Variants in GSG1 observed in about 807,000 individuals in gnomAD.
The protein encoded by GSG1 is germ cell-specific gene 1 protein.
In GSG1, 28 loss-of-function variants were observed where a neutral mutation model predicts 30.8. The observed-to-expected ratio is 0.91, with a 90% CI of 0.67 to 1.25. The LOEUF (loss-of-function observed/expected upper bound fraction) is 1.25. Among genes scored for constraint, GSG1 ranks in the 50% most tolerant of loss-of-function variants. The pLI is 0.00. For synonymous variants in GSG1, 162 were observed against 178.0 expected (o/e 0.91, Z 0.71); for missense variants, 435 against 444.7 (o/e 0.98, Z 0.20).
intron 5 of GSG1, 143 bp from the exon 6 acceptor site, chr12:13,087,406 A>C: frequency 1.6e-6 from 1 of 617,004 alleles, no homozygotes; most frequent in Non-Finnish European, 2.9e-6. Context: ...ACATTTCCCG[A>C]AGACTAATTC....
chr12:13,088,123 A>C lies in GSG1; in HGVS notation c.482-64T>G, dbSNP rs140866058. ...CAGTTAAAAAACTGAATAAGCGGTG[A>C]GCATAGGATGCCTATTAGGAGTTAA... is the stretch of plus-strand genomic sequence containing the variant. On this transcript the variant is annotated intron_variant, in intron 4 of 6. Transcript: ENST00000651961. 8.5e-3 allele frequency: 13,424 copies of C among 1,582,166 alleles called. 63 individuals carry two copies. The highest frequency in any genetic ancestry group is 0.011 in the Non-Finnish European group (12,154 of 1,155,400).
At chr12:13,088,683 T>C in intron 4 of GSG1, 179 bp downstream of exon 4, 1 of 1,513,726 alleles carries the variant, frequency 6.6e-7, no homozygotes, top group Middle Eastern at 2.4e-4. Flanking sequence ...GCAGTTTAGA[T>C]CCGGAGAGGC....
At chr12:13,087,018 T>C in intron 6 of GSG1, 134 bp downstream of exon 6, 1 of 629,068 alleles carries the variant, frequency 1.6e-6, no homozygotes. Flanking sequence ...GATGCAGCCC[T>C]GTGTGGTTGA....
chr12:13,091,968 G>A (rs890278244), intron 1 of GSG1, among the ~76,000 whole-genome samples: 1 of 152,182 alleles, frequency 6.6e-6, no homozygotes, highest in South Asian at 2.1e-4. Context: ...ACACAACACG[G>A]GGATGATGCA....
In GSG1 at chr12:13,090,461, C is replaced by T. The variant is rs968029931; in HGVS notation, c.364+42G>A. The stretch of plus-strand genomic sequence containing the variant: ...CCATGCCTGCATTAGATCCCTTGCC[C>T]GCCCTGACCCCGTTGCTCTTATATC... On this transcript the variant is annotated intron_variant, in intron 2 of 6. Transcript: ENST00000651961. The T allele has an allele frequency of 2.6e-5, 40 of 1,557,406 alleles. 1 individual carries two copies. The Middle Eastern group carries it at 1.1e-3, about 41-fold the overall frequency.
chr12:13,094,077 A>G (rs2120847131), intron 1 of GSG1, among the ~76,000 whole-genome samples: 1 of 152,056 alleles, frequency 6.6e-6, no homozygotes, highest in African/African-American at 2.4e-5. Flanking sequence ...CCTTCATATC[A>G]GAATTAATCA....
intron 6 of GSG1, among the ~76,000 whole-genome samples, chr12:13,085,495 C>T (rs1482262119): frequency 6.6e-6 from 1 of 151,876 alleles, no homozygotes; most frequent in Non-Finnish European, 1.5e-5. Flanking sequence ...GTTGTCGGTG[C>T]CATGCCCTTT....
In GSG1 at chr12:13,090,506, G is replaced by A. The variant is rs763575184; in HGVS notation, c.361C>T (p.Pro121Ser). 1 of 1,606,966 alleles carries A rather than the reference G, an allele frequency of 6.2e-7. No homozygotes were observed. The highest frequency in any genetic ancestry group is 1.3e-5 in the African/African-American group (1 of 74,800). ...WLSCEETVEE[P>S]ALLHPQSWKQ... Reference sequence around the variant, plus strand: ...TATATCCCAGAATGTAGGCTACCTGGTTCTTCCACAGTTTCCTCACAGGAT... The same window carrying A: ...TATATCCCAGAATGTAGGCTACCTGATTCTTCCACAGTTTCCTCACAGGAT... Residue 121 changes from proline (P) to serine (S), a missense_variant, in exon 2 of 7, where the codon CCA (proline) becomes TCA (serine). Physicochemically the swap from Pro to Ser is moderately conservative, Grantham distance 74. Coordinates refer to ENST00000651961, the MANE Select transcript of GSG1 (RefSeq NM_001080555.4).
At position 13,095,570 on chromosome 12, in the gene GSG1, T is replaced by G. The variant is rs1160709274; in HGVS notation, c.49-4752A>C. 3.7e-6 allele frequency: 6 copies of G among 1,610,066 alleles called. No homozygotes were observed. The African/African-American group carries it at 6.7e-5, about 18-fold the overall frequency. On this transcript the variant is annotated intron_variant, in intron 1 of 6. Transcript: ENST00000651961. Reference sequence around the variant, plus strand: ...TACAAAATAGCTGTAGACTGCATCCTTTGAGCAATAGGAGGGGAAGCCGGT... The same window carrying G: ...TACAAAATAGCTGTAGACTGCATCCGTTGAGCAATAGGAGGGGAAGCCGGT...
rs1865361254 is a variant in GSG1, at chr12:13,084,948, C to T, written c.1042G>A (p.Glu348Lys). 6.4e-7 allele frequency: 1 copy of T among 1,551,680 alleles called. No individual in the cohort carries two copies. The highest frequency in any genetic ancestry group is 1.2e-5 in the South Asian group (1 of 84,066). Residue 348 changes from glutamate (E) to lysine (K), a missense_variant, in exon 7 of 7, where the codon GAG becomes AAG. Physicochemically the swap from Glu to Lys is moderately conservative, Grantham distance 56. Coordinates refer to ENST00000651961, the MANE Select transcript of GSG1 (RefSeq NM_001080555.4). ...GATGACCTAACTGCTTCTTTCAGCT[C>T]CTGGCTGGCCCCTCTTTGAAATCCC... ...NKGFQRGASQ[E>K]LKEAVRSSVE...
rs1017266498 is a variant in GSG1, at chr12:13,093,043, G to A, written c.49-2225C>T. The stretch of plus-strand genomic sequence containing the variant: ...ACTCCTGATCTTAGGTAATCTGCCC[G>A]CCTCGGCCTCCCAAAGTGCTGGGAT... On this transcript the variant is annotated intron_variant, in intron 1 of 6. Transcript: ENST00000651961. This position sits in a 1 kb window ranked among gnomAD's most constrained non-coding sequence, Gnocchi z 4.6. Among the ~76,000 whole-genome samples, 4 of 151,770 alleles carry A rather than the reference G, an allele frequency of 2.6e-5. No homozygotes were observed. Among genetic ancestry groups the A allele is most frequent in the East Asian group, 1.9e-4 (1 of 5,178 alleles).
chr12:13,085,451 G>C (rs1865431230), intron 6 of GSG1, among the ~76,000 whole-genome samples: 1 of 151,656 alleles, frequency 6.6e-6, no homozygotes, highest in Non-Finnish European at 1.5e-5. Flanking sequence ...ATCAGACAAG[G>C]AGCTTAATGG....
Position 13,084,952 on chromosome 12 carries a change from G to A in GSG1, c.1038C>T (p.Ser346=). Residue 346 remains serine, a synonymous_variant, in exon 7 of 7, where the codon AGC becomes AGT. Coordinates refer to ENST00000651961, the MANE Select transcript of GSG1 (RefSeq NM_001080555.4). ...ACCTAACTGCTTCTTTCAGCTCCTGGCTGGCCCCTCTTTGAAATCCCTTGT... is the reference window on the plus strand; with the variant it reads ...ACCTAACTGCTTCTTTCAGCTCCTGACTGGCCCCTCTTTGAAATCCCTTGT... The part of the protein sequence containing the change: ...LRNKGFQRGA[S]QELKEAVRSS... 3.9e-6 allele frequency: 6 copies of A among 1,551,796 alleles called. No individual in the cohort carries two copies. The highest frequency in any genetic ancestry group is 5.2e-6 in the Non-Finnish European group (6 of 1,147,012).
At chr12:13,096,796 T>C (rs1866699277) in intron 1 of GSG1, among the ~76,000 whole-genome samples, 1 of 152,028 alleles carries the variant, frequency 6.6e-6, no homozygotes, top group South Asian at 2.1e-4. Context: ...CTCCTCAAAA[T>C]TGTACAAATA....
At position 13,085,049 on chromosome 12, in the gene GSG1, C is replaced by T. The variant is rs1457225586; in HGVS notation, c.941G>A (p.Ser314Asn). Residue 314 changes from serine (S) to asparagine (N), a missense_variant, in exon 7 of 7, where the codon AGC becomes AAC. Physicochemically the swap from Ser to Asn is conservative, Grantham distance 46. Transcript: ENST00000651961. The part of the protein sequence containing the change: ...SAAPTVGPLT[S>N]YHQYHNQPIH... ...GGGCTGATTATGATACTGGTGGTAG[C>T]TGGTCAAAGGACCCACGGTGGGGGC... is the stretch of plus-strand genomic sequence containing the variant. The T allele has an allele frequency of 6.3e-7, 1 of 1,594,472 alleles. No individual in the cohort carries two copies. Among genetic ancestry groups the T allele is most frequent in the Non-Finnish European group, 8.5e-7 (1 of 1,169,862 alleles).
chr12:13,086,557 T>G (rs1194412267), intron 6 of GSG1, among the ~76,000 whole-genome samples: 1 of 152,206 alleles, frequency 6.6e-6, no homozygotes, highest in African/African-American at 2.4e-5. Context: ...TTGAATGTGT[T>G]GCTTTGTGAT....
chr12:13,093,012 T>G lies in GSG1; in HGVS notation c.49-2194A>C, dbSNP rs1231432038. Among the ~76,000 whole-genome samples the G allele has an allele frequency of 6.6e-6, 1 of 151,594 alleles. No homozygotes were observed. Among genetic ancestry groups the G allele is most frequent in the Non-Finnish European group, 1.5e-5 (1 of 67,908 alleles). On this transcript the variant is annotated intron_variant, in intron 1 of 6. Coordinates refer to ENST00000651961, the MANE Select transcript of GSG1 (RefSeq NM_001080555.4). The surrounding 1 kb of genome is among the most constrained non-coding windows in gnomAD (Gnocchi z 4.6). ...GGTTTCACCATATTGGCCAGGCTGG[T>G]CTTAAACTCCTGATCTTAGGTAATC...
intron 2 of GSG1, among the ~76,000 whole-genome samples, chr12:13,089,629 G>A (rs965811858): frequency 1.3e-5 from 2 of 152,208 alleles, no homozygotes; most frequent in African/African-American, 4.8e-5. Flanking sequence ...GGCTGGCTTC[G>A]GTTCCCCCAC....
intron 1 of GSG1, among the ~76,000 whole-genome samples, chr12:13,096,226 C>G (rs1286136629): frequency 1.3e-5 from 2 of 152,094 alleles, no homozygotes; most frequent in African/African-American, 4.8e-5. Flanking sequence ...GTAATCCCAG[C>G]ACTTTGGGAG....
Sources: gnomAD v4.1 joint callset for allele counts (sites outside exome capture counted in the v4.1 genomes callset) on GRCh38, gnomAD v4.1.1 for gene constraint, Gnocchi (gnomAD v3.1) non-coding constraint, MANE v1.5 for transcripts, NCBI Gene and HGNC (gene_info 2026-07-23, HGNC 2026-07-21) for gene names.